The following CTNNA2 variants were observed in gnomAD, a reference collection of about 807,000 sequenced individuals.
CTNNA2 encodes the protein catenin alpha-2.
In CTNNA2, 42 loss-of-function variants were observed where a neutral mutation model predicts 101.0. The ratio of observed to expected loss-of-function variants is 0.42; its 90% CI spans 0.32 to 0.54. The LOEUF (loss-of-function observed/expected upper bound fraction) is 0.54, where lower values mean the gene tolerates loss of function less well. Ranked by LOEUF, CTNNA2 falls within the 20% of genes least tolerant of loss-of-function variation. The pLI, the probability that CTNNA2 is intolerant of heterozygous loss-of-function variation, is 0.14. For synonymous variants in CTNNA2, 450 were observed against 456.4 expected, an observed-to-expected ratio of 0.99 and a Z score of 0.18; for missense variants, 871 against 1,223.1, an observed-to-expected ratio of 0.71 and a Z score of 4.29.
intron 1 of CTNNA2, among the ~76,000 whole-genome samples, chr2:79,560,743 C>T (rs1347420806): frequency 6.6e-6 from 1 of 151,856 alleles, no homozygotes; most frequent in African/African-American, 2.4e-5. Context: ...TAAAGAGCTA[C>T]AGAAGCTGAG....
chr2:80,533,145 T>C (rs577877713), intron 9 of CTNNA2, among the ~76,000 whole-genome samples: 2 of 152,316 alleles, frequency 1.3e-5, no homozygotes, highest in Non-Finnish European at 2.9e-5. Context: ...CCTCCATCCA[T>C]ATAATAAATA....
At chr2:80,627,989 G>C (rs1051918278) in intron 18 of CTNNA2, among the ~76,000 whole-genome samples, 2 of 151,994 alleles carry the variant, frequency 1.3e-5, no homozygotes, top group African/African-American at 4.8e-5. Flanking sequence ...AGAGAGCCAA[G>C]TCATGAGTGA....
chr2:79,945,164 T>C (rs1688411591), intron 7 of CTNNA2, among the ~76,000 whole-genome samples: 1 of 152,092 alleles, frequency 6.6e-6, no homozygotes, highest in African/African-American at 2.4e-5. Context: ...CACTTCAGTC[T>C]CCCAAGTAGC....
At chr2:79,436,637 C>CTTT (rs113274961) in intron 4 of CTNNA2, among the ~76,000 whole-genome samples, 2 of 146,738 alleles carry the variant, frequency 1.4e-5, no homozygotes, top group Middle Eastern at 3.5e-3. Flanking sequence ...ATTAAATATT[C>CTTT]TTTTTTTTTT....
At chr2:79,352,172 G>A (rs959529247) in intron 3 of CTNNA2, among the ~76,000 whole-genome samples, 10 of 151,684 alleles carry the variant, frequency 6.6e-5, no homozygotes, top group South Asian at 2.1e-4. Context: ...CTAATAAGTC[G>A]TGATAATTAG....
At chr2:79,944,077 AAC>A (rs1265735560) in intron 7 of CTNNA2, among the ~76,000 whole-genome samples, 2 of 152,194 alleles carry the variant, frequency 1.3e-5, no homozygotes, top group Non-Finnish European at 2.9e-5. Context: ...AGAAACAAAT[AAC>A]TTACAGGGAA....
At chr2:79,821,335 A>G (rs903519532) in intron 3 of CTNNA2, among the ~76,000 whole-genome samples, 1 of 152,098 alleles carries the variant, frequency 6.6e-6, no homozygotes, top group South Asian at 2.1e-4. Context: ...CAGCCTCCCA[A>G]GTAGCTGGGA....
chr2:79,800,514 A>T (rs1676071659), intron 3 of CTNNA2, among the ~76,000 whole-genome samples: 2 of 152,188 alleles, frequency 1.3e-5, no homozygotes, highest in Non-Finnish European at 2.9e-5. Flanking sequence ...GCTAAAAAAA[A>T]GTCAGCTCAG....
intron 12 of CTNNA2, among the ~76,000 whole-genome samples, chr2:80,562,528 A>G (rs554501837): frequency 3.3e-5 from 5 of 152,338 alleles, no homozygotes; most frequent in Admixed American, 3.3e-4. Context: ...TGCAAAATGG[A>G]GGAAATTTGA....
At chr2:80,192,949 AGTG>A (rs1706609111) in intron 7 of CTNNA2, among the ~76,000 whole-genome samples, 2 of 131,840 alleles carry the variant, frequency 1.5e-5, no homozygotes, top group African/African-American at 5.0e-5. Context: ...GAGTGTGTAT[AGTG>A]GTGTGTGTGT....
At chr2:80,527,552 T>C (rs1302570162) in intron 9 of CTNNA2, among the ~76,000 whole-genome samples, 1 of 152,182 alleles carries the variant, frequency 6.6e-6, no homozygotes, top group African/African-American at 2.4e-5. Flanking sequence ...GGGAGTCTTT[T>C]AGAAACAGGA....
intron 7 of CTNNA2, among the ~76,000 whole-genome samples, chr2:80,121,275 A>G (rs545607766): frequency 5.9e-5 from 9 of 152,336 alleles, no homozygotes; most frequent in Non-Finnish European, 8.8e-5. Flanking sequence ...ACCACTTATT[A>G]GTTATATCAC....
chr2:79,262,810 T>C (rs1382376098), intron 2 of CTNNA2, among the ~76,000 whole-genome samples: 1 of 152,154 alleles, frequency 6.6e-6, no homozygotes, highest in East Asian at 1.9e-4. Flanking sequence ...AATCAGCAGG[T>C]AAATTTAATT....
At chr2:79,993,386 A>C (rs1034567676) in intron 7 of CTNNA2, among the ~76,000 whole-genome samples, 1 of 152,184 alleles carries the variant, frequency 6.6e-6, no homozygotes, top group Non-Finnish European at 1.5e-5. Context: ...AAAGTGAGCC[A>C]CAGCTCTTGG....
intron 1 of CTNNA2, among the ~76,000 whole-genome samples, chr2:79,526,982 C>T (rs778665492): frequency 1.3e-5 from 2 of 151,826 alleles, no homozygotes; most frequent in Admixed American, 6.6e-5. Context: ...AAAGCTCAAG[C>T]AATAGAAGAA....
chr2:79,714,468 G>T (rs916730356), intron 2 of CTNNA2, among the ~76,000 whole-genome samples: 2 of 152,008 alleles, frequency 1.3e-5, no homozygotes, highest in East Asian at 3.9e-4. Flanking sequence ...ATAAAATATG[G>T]CTATCATAGA....
At chr2:80,544,807 A>G (rs1310524257) in intron 9 of CTNNA2, among the ~76,000 whole-genome samples, 175 bp from the exon 10 acceptor site, 3 of 152,186 alleles carry the variant, frequency 2.0e-5, no homozygotes, top group Non-Finnish European at 2.9e-5. Flanking sequence ...AGAAATGCCT[A>G]AATTAGCATA....
intron 2 of CTNNA2, among the ~76,000 whole-genome samples, chr2:79,722,659 A>G (rs1212304033): frequency 6.6e-6 from 1 of 152,046 alleles, no homozygotes; most frequent in African/African-American, 2.4e-5. Flanking sequence ...TAACTTATTT[A>G]TTACAGTTTA....
chr2:79,964,957 CA>C (rs1318689903), intron 7 of CTNNA2, among the ~76,000 whole-genome samples: 2 of 152,172 alleles, frequency 1.3e-5, no homozygotes, highest in African/African-American at 4.8e-5. Flanking sequence ...CTCTACAAAC[CA>C]CATTAAGTGG....
Sources: gnomAD v4.1 joint callset for allele counts (sites outside exome capture counted in the v4.1 genomes callset) on GRCh38, gnomAD v4.1.1 for gene constraint, MANE v1.5 for transcripts, NCBI Gene and HGNC (gene_info 2026-07-23, HGNC 2026-07-21) for gene names.